Variants in C8orf34 observed in about 807,000 individuals in gnomAD.
C8orf34 encodes the protein uncharacterized protein C8orf34.
In C8orf34, 65 loss-of-function variants were observed where a neutral mutation model predicts 68.3. That is an observed-to-expected ratio of 0.95 (90% CI 0.78 to 1.17). The LOEUF (loss-of-function observed/expected upper bound fraction) is 1.17. Ranked by LOEUF, C8orf34 falls within the 50% of genes most tolerant of loss-of-function variation. The pLI is 0.00. For missense variants in C8orf34, 664 were observed against 655.4 expected, an observed-to-expected ratio of 1.01 and a Z score of -0.14; for synonymous variants, 244 against 241.2, an observed-to-expected ratio of 1.01 and a Z score of -0.11.
At chr8:68,377,489 T>C (rs1436196249) in intron 1 of C8orf34, among the ~76,000 whole-genome samples, 1 of 152,098 alleles carries the variant, frequency 6.6e-6, no homozygotes, top group Non-Finnish European at 1.5e-5. Flanking sequence ...GTAAGCCTAC[T>C]GTTAGGAGTT....
chr8:68,657,629 C>T (rs1819548110), intron 8 of C8orf34, among the ~76,000 whole-genome samples: 1 of 152,168 alleles, frequency 6.6e-6, no homozygotes, highest in Non-Finnish European at 1.5e-5. Context: ...GCTTCTTTTA[C>T]TTTTCAGCTT....
Position 68,794,504 on chromosome 8 carries a change from TA to T in C8orf34, c.1549+6969del, listed in dbSNP as rs375868464. Among the ~76,000 whole-genome samples the T allele has an allele frequency of 6.5e-3, 440 of 67,814 alleles. 4 individuals carry two copies. Among genetic ancestry groups the T allele is most frequent in the African/African-American group, 0.022 (253 of 11,560 alleles). The allele number at this position is 67,814 out of a possible 152,430, so 44.5% of individuals were successfully genotyped here. Reference sequence around the variant, plus strand: ...ATAAATATATATATATATATATATATATTTTTTTTTTTTTTTTTTAGACAGG... The same window carrying T: ...ATAAATATATATATATATATATATATTTTTTTTTTTTTTTTTTTAGACAGG... On this transcript the variant is annotated intron_variant, in intron 12 of 13. Coordinates refer to ENST00000518698, the MANE Select transcript of C8orf34 (RefSeq NM_052958.4).
intron 7 of C8orf34, among the ~76,000 whole-genome samples, chr8:68,579,892 C>A (rs1274711047): frequency 6.6e-6 from 1 of 152,158 alleles, no homozygotes; most frequent in East Asian, 1.9e-4. Flanking sequence ...GAAACACATT[C>A]TCAACTTAGC....
At chr8:68,575,756 C>A (rs577981476) in intron 7 of C8orf34, among the ~76,000 whole-genome samples, 12 of 151,996 alleles carry the variant, frequency 7.9e-5, no homozygotes, top group South Asian at 4.2e-4. Flanking sequence ...GGCTTACCTG[C>A]ATTGAAGAGC....
At chr8:68,593,768 G>T (rs950296561) in intron 7 of C8orf34, among the ~76,000 whole-genome samples, 6 of 151,346 alleles carry the variant, frequency 4.0e-5, no homozygotes, top group African/African-American at 1.2e-4. Context: ...TTTATTGTTT[G>T]CTGTTTTTAT....
At chr8:68,693,427 C>T (rs963947696) in intron 8 of C8orf34, among the ~76,000 whole-genome samples, 3 of 152,004 alleles carry the variant, frequency 2.0e-5, no homozygotes, top group Admixed American at 1.3e-4. Context: ...AATTTCTTTA[C>T]CTTCCTTACT....
intron 2 of C8orf34, 95 bp from the exon 3 acceptor site, chr8:68,446,234 G>A (rs1028031550): frequency 7.9e-6 from 8 of 1,010,824 alleles, no homozygotes; most frequent in African/African-American, 1.6e-5. Flanking sequence ...TGACCTATAT[G>A]TTTTGTCAAG....
chr8:68,433,130 G>T (rs188291249), intron 1 of C8orf34, among the ~76,000 whole-genome samples: 34 of 152,210 alleles, frequency 2.2e-4, no homozygotes, highest in African/African-American at 8.2e-4. Flanking sequence ...ATACTGTTGG[G>T]TAGTGGTGGT....
At chr8:68,680,294 A>G (rs1301656779) in intron 8 of C8orf34, among the ~76,000 whole-genome samples, 2 of 152,228 alleles carry the variant, frequency 1.3e-5, no homozygotes, top group Non-Finnish European at 2.9e-5. Flanking sequence ...TACAAATGGC[A>G]AACAAGCATA....
chr8:68,381,030 T>C (rs1171957422), intron 1 of C8orf34, among the ~76,000 whole-genome samples: 1 of 152,174 alleles, frequency 6.6e-6, no homozygotes, highest in Non-Finnish European at 1.5e-5. Context: ...GAATTTACAA[T>C]TAAGAATACT....
chr8:68,762,212 T>C (rs1196285722), intron 10 of C8orf34, among the ~76,000 whole-genome samples: 1 of 152,116 alleles, frequency 6.6e-6, no homozygotes, highest in Non-Finnish European at 1.5e-5. Flanking sequence ...CTTCAAAGAG[T>C]ATCCTACCAG....
rs148856856 is a variant in C8orf34, at chr8:68,660,902, G to T, written c.1241+20391G>T. ...TAACTCCTGACATAGCTACAAAAAGGGGGGGGAAAAACAACAGCTACAGTG... is the reference window on the plus strand; with the variant it reads ...TAACTCCTGACATAGCTACAAAAAGTGGGGGGAAAAACAACAGCTACAGTG... On this transcript the variant is annotated intron_variant, in intron 8 of 13. Coordinates refer to ENST00000518698, the MANE Select transcript of C8orf34 (RefSeq NM_052958.4). Among the ~76,000 whole-genome samples, 653 of 152,098 alleles carry T rather than the reference G, an allele frequency of 4.3e-3. 5 individuals carry two copies. Among genetic ancestry groups the T allele is most frequent in the African/African-American group, 0.015 (620 of 41,494 alleles).
At chr8:68,700,299 G>C (rs1179152686) in intron 8 of C8orf34, among the ~76,000 whole-genome samples, 2 of 152,276 alleles carry the variant, frequency 1.3e-5, no homozygotes, top group East Asian at 3.9e-4. Flanking sequence ...AGGGATCTGA[G>C]AGATGGTGTG....
At chr8:68,761,430 G>GA (rs923284010) in intron 10 of C8orf34, among the ~76,000 whole-genome samples, 8 of 150,784 alleles carry the variant, frequency 5.3e-5, no homozygotes, top group African/African-American at 1.7e-4. Flanking sequence ...TTATTTTGAG[G>GA]AAAAAAAAAT....
chr8:68,482,136 A>G (rs1188684668), intron 4 of C8orf34, among the ~76,000 whole-genome samples: 1 of 152,176 alleles, frequency 6.6e-6, no homozygotes, highest in Admixed American at 6.5e-5. Flanking sequence ...ATGCTAGTGA[A>G]TAAGTCTCAT....
At chr8:68,335,206 AC>A (rs1157945550) in intron 1 of C8orf34, among the ~76,000 whole-genome samples, 1 of 152,118 alleles carries the variant, frequency 6.6e-6, no homozygotes, top group Non-Finnish European at 1.5e-5. Context: ...GATACTAGTT[AC>A]TCACTTATGG....
intron 13 of C8orf34, among the ~76,000 whole-genome samples, chr8:68,817,690 A>G (rs1011006499): frequency 4.6e-5 from 7 of 152,174 alleles, no homozygotes; most frequent in Non-Finnish European, 8.8e-5. Flanking sequence ...TCACACTGCT[A>G]TAAAGACATA....
intron 4 of C8orf34, among the ~76,000 whole-genome samples, chr8:68,476,911 G>T (rs1229309306): frequency 6.6e-6 from 1 of 152,150 alleles, no homozygotes; most frequent in South Asian, 2.1e-4. Context: ...TTGTAAGGCT[G>T]GTCCTGTTAC....
chr8:68,334,492 A>G (rs578102183), intron 1 of C8orf34, among the ~76,000 whole-genome samples: 1 of 151,910 alleles, frequency 6.6e-6, no homozygotes, highest in African/African-American at 2.4e-5. Context: ...GTACACACAC[A>G]TTTTATATAA....
Sources: allele counts gnomAD v4.1 joint callset (sites outside exome capture counted in the v4.1 genomes callset), GRCh38; gene constraint gnomAD v4.1.1; transcripts MANE v1.5; gene names NCBI Gene and HGNC (gene_info 2026-07-23, HGNC 2026-07-21).